Variants in MEI4 observed in about 807,000 individuals in gnomAD.
MEI4 encodes meiosis-specific protein MEI4.
A neutral mutation model predicts 31.4 loss-of-function variants in MEI4; 27 were observed. The observed-to-expected ratio is 0.86, with a 90% CI of 0.63 to 1.19. The LOEUF is 1.19. MEI4 is among the 50% of genes most tolerant of loss of function. MEI4 has a pLI of 0.00. For missense variants in MEI4, 329 were observed against 398.9 expected (o/e 0.82, Z 1.49); for synonymous variants, 122 against 145.4 (o/e 0.84, Z 1.16).
chr6:77,667,236 G>A (rs777632550), intron 1 of MEI4, among the ~76,000 whole-genome samples: 5 of 152,130 alleles, frequency 3.3e-5, no homozygotes, highest in Admixed American at 6.5e-5. Context: ...TGAATTCAGA[G>A]TATCCAATTT....
chr6:77,769,911 C>T (rs910580150), intron 3 of MEI4, among the ~76,000 whole-genome samples: 2 of 151,800 alleles, frequency 1.3e-5, no homozygotes, highest in African/African-American at 4.8e-5. Context: ...TCAGGTGTGA[C>T]CCAGCACATT....
At chr6:77,911,340 T>C (rs1766430426) in intron 4 of MEI4, among the ~76,000 whole-genome samples, 1 of 152,088 alleles carries the variant, frequency 6.6e-6, no homozygotes, top group African/African-American at 2.4e-5. Flanking sequence ...AGGGTACATA[T>C]GCAAGTTTAT....
Position 77,780,763 on chromosome 6 carries a change from C to G in MEI4, c.768+19098C>G, listed in dbSNP as rs561548341. Among the ~76,000 whole-genome samples the G allele has an allele frequency of 1.8e-4, 28 of 152,190 alleles. 2 individuals are homozygous for G. The East Asian group carries it at 3.3e-3, about 18-fold the overall frequency. ...CCAATTGAATTAAGTAATTCGAATT[C>G]TAATATTGTCTTATTGAATTGAATA... On this transcript the variant is annotated intron_variant, in intron 3 of 4. Coordinates refer to ENST00000684080, the MANE Select transcript of MEI4 (RefSeq NM_001322247.2).
At chr6:77,715,236 C>T (rs936444199) in intron 2 of MEI4, among the ~76,000 whole-genome samples, 2 of 152,084 alleles carry the variant, frequency 1.3e-5, no homozygotes, top group Admixed American at 1.3e-4. Flanking sequence ...TATTTAATTT[C>T]CTAGACCACT....
intron 3 of MEI4, among the ~76,000 whole-genome samples, chr6:77,764,904 A>G (rs1328851255): frequency 6.6e-6 from 1 of 152,186 alleles, no homozygotes; most frequent in African/African-American, 2.4e-5. Context: ...AAAGTATCTC[A>G]AGACAAACAA....
chr6:77,776,332 A>G (rs1768441239), intron 3 of MEI4, among the ~76,000 whole-genome samples: 1 of 151,862 alleles, frequency 6.6e-6, no homozygotes, highest in African/African-American at 2.4e-5. Context: ...TTACCCTTTG[A>G]TTTTAATAAA....
intron 4 of MEI4, among the ~76,000 whole-genome samples, chr6:77,904,317 T>G (rs1254923389): frequency 2.0e-5 from 3 of 152,124 alleles, no homozygotes; most frequent in African/African-American, 7.2e-5. Flanking sequence ...TCCAACTTTT[T>G]TTTGTTTTAG....
intron 4 of MEI4, among the ~76,000 whole-genome samples, chr6:77,830,735 G>A (rs548117611): frequency 2.0e-4 from 30 of 151,890 alleles, no homozygotes; most frequent in Admixed American, 4.6e-4. Flanking sequence ...ATTTTTTATC[G>A]TATACAAAAA....
At chr6:77,875,668 A>G (rs1771316373) in intron 4 of MEI4, among the ~76,000 whole-genome samples, 1 of 152,216 alleles carries the variant, frequency 6.6e-6, no homozygotes, top group South Asian at 2.1e-4. Flanking sequence ...AGATTGTTTT[A>G]TACTAAATAA....
intron 4 of MEI4, among the ~76,000 whole-genome samples, chr6:77,871,595 T>C (rs1771193699): frequency 6.6e-6 from 1 of 152,132 alleles, no homozygotes. Context: ...TATTGGGTAC[T>C]ATGCTCAGTA....
At chr6:77,872,964 T>G (rs1445339681) in intron 4 of MEI4, among the ~76,000 whole-genome samples, 1 of 151,566 alleles carries the variant, frequency 6.6e-6, no homozygotes, top group Non-Finnish European at 1.5e-5. Context: ...CCACATTTTC[T>G]TAATCCAGTC....
intron 2 of MEI4, among the ~76,000 whole-genome samples, chr6:77,716,661 A>C (rs1766588391): frequency 6.6e-6 from 1 of 152,222 alleles, no homozygotes; most frequent in Non-Finnish European, 1.5e-5. Flanking sequence ...AAAAGTTGGC[A>C]AAAGGTAAGT....
rs893092440 is a variant in MEI4 at position 77,820,592 on chromosome 6, A to G, written c.769-8339A>G. On this transcript the variant is annotated intron_variant, in intron 3 of 4. Transcript: ENST00000684080. This position sits in a 1 kb window ranked among gnomAD's most constrained non-coding sequence, Gnocchi z 4.5. The stretch of plus-strand genomic sequence containing the variant: ...GTTTTCTTTTTTAAATCCCTTTAGT[A>G]TGGTTCTATCAGTGTTAAAATGACT... 1.3e-5 allele frequency among the ~76,000 whole-genome samples: 2 copies of G among 152,086 alleles called. No homozygotes were observed. The highest frequency in any genetic ancestry group is 4.8e-5 in the African/African-American group (2 of 41,432).
intron 2 of MEI4, among the ~76,000 whole-genome samples, chr6:77,746,034 G>T (rs1434033168): frequency 1.3e-5 from 2 of 152,064 alleles, no homozygotes; most frequent in Non-Finnish European, 2.9e-5. Flanking sequence ...ATCCAAAATT[G>T]ACACCCTAAC....
intron 4 of MEI4, among the ~76,000 whole-genome samples, chr6:77,863,106 CAGGTAGA>C: frequency 2.6e-5 from 1 of 37,800 alleles, no homozygotes; most frequent in Non-Finnish European, 4.3e-5. Flanking sequence ...ACAGGTAGAT[CAGGTAGA>C]TAAAACCACA....
At chr6:77,915,905 G>T (rs192109289) in intron 4 of MEI4, among the ~76,000 whole-genome samples, 1 of 151,496 alleles carries the variant, frequency 6.6e-6, no homozygotes, top group African/African-American at 2.4e-5. Flanking sequence ...TCAAATATTT[G>T]TTTCCTTTAT....
chr6:77,896,792 A>G (rs1766092556), intron 4 of MEI4, among the ~76,000 whole-genome samples: 1 of 152,038 alleles, frequency 6.6e-6, no homozygotes, highest in Admixed American at 6.6e-5. Flanking sequence ...AAGGTTCTTT[A>G]CACATCTCTA....
intron 2 of MEI4, among the ~76,000 whole-genome samples, chr6:77,728,646 A>G (rs2127666204): frequency 6.6e-6 from 1 of 152,334 alleles, no homozygotes; most frequent in African/African-American, 2.4e-5. Context: ...TTTAGACTGG[A>G]TCGTCAGGAA....
At chr6:77,830,930 C>T (rs996695588) in intron 4 of MEI4, among the ~76,000 whole-genome samples, 1 of 151,798 alleles carries the variant, frequency 6.6e-6, no homozygotes, top group African/African-American at 2.4e-5. Flanking sequence ...AATGCTTCTG[C>T]ACAGCAAAGG....
Sources: allele counts gnomAD v4.1 joint callset (sites outside exome capture counted in the v4.1 genomes callset), GRCh38; gene constraint gnomAD v4.1.1; non-coding constraint Gnocchi (gnomAD v3.1); transcripts MANE v1.5; gene names NCBI Gene and HGNC (gene_info 2026-07-23, HGNC 2026-07-21).